LRP1B: variants seen among roughly 807,000 people sequenced by gnomAD.
LRP1B encodes low-density lipoprotein receptor-related protein 1B.
LRP1B carries 217 observed loss-of-function variants against 556.6 expected under a neutral mutation model. The ratio of observed to expected loss-of-function variants is 0.39; its 90% CI spans 0.35 to 0.44. LRP1B has a LOEUF of 0.44. Ranked by LOEUF, LRP1B falls within the 20% of genes least tolerant of loss-of-function variation. LRP1B has a pLI of 1.00. For synonymous variants in LRP1B, 2,047 were observed against 1,865.8 expected, an observed-to-expected ratio of 1.10 and a Z score of -2.50; for missense variants, 5,053 against 5,620.8, an observed-to-expected ratio of 0.90 and a Z score of 3.23.
chr2:141,668,687 C>T (rs149011360), intron 2 of LRP1B, among the ~76,000 whole-genome samples: 1 of 152,134 alleles, frequency 6.6e-6, no homozygotes, highest in African/African-American at 2.4e-5. Context: ...TCCTTCAAGT[C>T]CATGTATAAT....
At chr2:141,590,856 G>T (rs1559161350) in intron 2 of LRP1B, among the ~76,000 whole-genome samples, 2 of 152,138 alleles carry the variant, frequency 1.3e-5, no homozygotes, top group African/African-American at 4.8e-5. Flanking sequence ...ACCAGTCAAG[G>T]ACACCAACCC....
In LRP1B at chr2:140,843,117, G is replaced by T. The variant is rs576250823; in HGVS notation, c.4940-2025C>A. 3.2e-4 allele frequency among the ~76,000 whole-genome samples: 34 copies of T among 107,212 alleles called. No homozygotes were observed. The Admixed American group carries it at 3.6e-3, about 11-fold the overall frequency. The allele number at this position is 107,212 out of a possible 152,430, so 70.3% of individuals were successfully genotyped here. On this transcript the variant is annotated intron_variant, in intron 29 of 90. Coordinates refer to ENST00000389484, the MANE Select transcript of LRP1B (RefSeq NM_018557.3). The stretch of plus-strand genomic sequence containing the variant: ...TTTTTTTTGTTTTTTTTTTGGTGGT[G>T]GGGGGTGAGGGGTAAGCATTGTCTC...
intron 3 of LRP1B, among the ~76,000 whole-genome samples, chr2:141,331,503 CTTCT>C (rs1272592276): frequency 3.8e-4 from 15 of 39,878 alleles, no homozygotes; most frequent in South Asian, 1.3e-3. Context: ...TCTTTCTTTC[CTTCT>C]TTCTTTCTTT....
chr2:142,130,363 C>T (rs985426182), intron 1 of LRP1B, among the ~76,000 whole-genome samples: 3 of 152,178 alleles, frequency 2.0e-5, no homozygotes, highest in Admixed American at 6.5e-5. Context: ...TTAGAATTCG[C>T]GGACAGAAGC....
At chr2:140,557,352 T>A (rs190310955) in intron 43 of LRP1B, among the ~76,000 whole-genome samples, 15 of 152,294 alleles carry the variant, frequency 9.8e-5, no homozygotes, top group African/African-American at 3.1e-4. Context: ...TAGAAACTTG[T>A]CTCAATTTAA....
At chr2:140,334,888 CTTTTG>C (rs756624240) in intron 78 of LRP1B, among the ~76,000 whole-genome samples, 15 of 152,048 alleles carry the variant, frequency 9.9e-5, no homozygotes, top group African/African-American at 2.9e-4. Context: ...TGAAACTCCC[CTTTTG>C]TTTTAACAGA....
At chr2:141,557,776 T>A (rs1686013675) in intron 2 of LRP1B, among the ~76,000 whole-genome samples, 1 of 151,922 alleles carries the variant, frequency 6.6e-6, no homozygotes, top group African/African-American at 2.4e-5. Flanking sequence ...CATTTTTATT[T>A]TGTTTGAGTC....
intron 35 of LRP1B, among the ~76,000 whole-genome samples, chr2:140,723,249 T>C (rs1381100286): frequency 6.6e-6 from 1 of 152,100 alleles, no homozygotes; most frequent in Non-Finnish European, 1.5e-5. Flanking sequence ...GGTCTGAGAA[T>C]CTGGGAGGAA....
At chr2:141,458,497 G>A (rs1190426968) in intron 3 of LRP1B, among the ~76,000 whole-genome samples, 1 of 152,104 alleles carries the variant, frequency 6.6e-6, no homozygotes, top group Non-Finnish European at 1.5e-5. Context: ...TGGTAGAAAA[G>A]CAAGACACAA....
intron 15 of LRP1B, among the ~76,000 whole-genome samples, chr2:141,003,237 A>G (rs1697476607): frequency 6.6e-6 from 1 of 152,070 alleles, no homozygotes; most frequent in South Asian, 2.1e-4. Context: ...ATTAAAAATT[A>G]TGTTTACAAA....
intron 2 of LRP1B, among the ~76,000 whole-genome samples, chr2:141,530,653 A>G (rs553718028): frequency 1.3e-5 from 2 of 152,220 alleles, no homozygotes; most frequent in East Asian, 3.9e-4. Flanking sequence ...CATAGAGATT[A>G]AGAGGGTAGG....
At chr2:141,689,956 G>C (rs1275187602) in intron 2 of LRP1B, among the ~76,000 whole-genome samples, 1 of 151,694 alleles carries the variant, frequency 6.6e-6, no homozygotes, top group African/African-American at 2.4e-5. Context: ...GATATTAAAA[G>C]CATTATCTAC....
intron 41 of LRP1B, among the ~76,000 whole-genome samples, chr2:140,690,736 G>A (rs1686207419): frequency 6.6e-6 from 1 of 151,902 alleles, no homozygotes; most frequent in Non-Finnish European, 1.5e-5. Flanking sequence ...TCTTCCTTTG[G>A]ACCATAAAAA....
intron 35 of LRP1B, among the ~76,000 whole-genome samples, chr2:140,738,150 T>C (rs288122): frequency 0.93 from 140,945 of 152,160 alleles, 65,443 homozygotes; most frequent in Non-Finnish European, 0.96. Flanking sequence ...GCTGCAGCTC[T>C]TGCCAAGCCA....
intron 1 of LRP1B, among the ~76,000 whole-genome samples, chr2:142,065,112 C>T (rs1332725027): frequency 1.3e-5 from 2 of 151,534 alleles, no homozygotes; most frequent in Non-Finnish European, 3.0e-5. Context: ...ACAAATTTGA[C>T]TTTCATTATA....
At chr2:141,809,981 T>C (rs1007397868) in intron 2 of LRP1B, among the ~76,000 whole-genome samples, 1 of 151,866 alleles carries the variant, frequency 6.6e-6, no homozygotes, top group Non-Finnish European at 1.5e-5. Flanking sequence ...TCACATTTTC[T>C]TCCTTTCATA....
chr2:141,047,295 T>C (rs1698903128), intron 11 of LRP1B, among the ~76,000 whole-genome samples: 1 of 152,082 alleles, frequency 6.6e-6, no homozygotes. Context: ...ATGCAGGATT[T>C]ACGTTGCCTT....
chr2:140,826,134 C>A (rs1450202993), intron 31 of LRP1B, among the ~76,000 whole-genome samples: 1 of 152,148 alleles, frequency 6.6e-6, no homozygotes, highest in African/African-American at 2.4e-5. Context: ...TTAGTGATAG[C>A]CTGCCTAAGG....
chr2:141,846,487 A>T (rs1383644551), intron 1 of LRP1B, among the ~76,000 whole-genome samples: 3 of 151,594 alleles, frequency 2.0e-5, no homozygotes, highest in Non-Finnish European at 4.4e-5. Context: ...AAATTGTTCT[A>T]AAAAATAAAA....
Sources: allele counts gnomAD v4.1 joint callset (sites outside exome capture counted in the v4.1 genomes callset), GRCh38; gene constraint gnomAD v4.1.1; transcripts MANE v1.5; gene names NCBI Gene and HGNC (gene_info 2026-07-23, HGNC 2026-07-21).